The following RHEX variants were observed in gnomAD, a reference collection of about 807,000 sequenced individuals.
The protein encoded by RHEX is regulator of hemoglobinization and erythroid cell expansion, also known as regulator of hemoglobinization and erythroid cell expansion protein.
In RHEX, 18 loss-of-function variants were observed where a neutral mutation model predicts 20.1. The ratio of observed to expected loss-of-function variants is 0.90; its 90% CI spans 0.62 to 1.33. The LOEUF (loss-of-function observed/expected upper bound fraction) is 1.33. Ranked by LOEUF, RHEX falls within the 40% of genes most tolerant of loss-of-function variation. The probability of loss-of-function intolerance (pLI) is 0.00; values close to 1 mark genes in which losing one functional copy is unlikely to be tolerated. For synonymous variants in RHEX, 87 were observed against 77.1 expected (o/e 1.13, Z -0.67); for missense variants, 192 against 214.3 (o/e 0.90, Z 0.65).
chr1:206,055,641 C>T (rs1413535896), intron 1 of RHEX, among the ~76,000 whole-genome samples: 1 of 152,242 alleles, frequency 6.6e-6, no homozygotes, highest in African/African-American at 2.4e-5. Flanking sequence ...TGGTAGATGA[C>T]AGTCAATAAA....
intron 1 of RHEX, among the ~76,000 whole-genome samples, chr1:206,089,983 T>C (rs1662914260): frequency 6.6e-6 from 1 of 152,076 alleles, no homozygotes; most frequent in Admixed American, 6.5e-5. Flanking sequence ...TTTTGCTATC[T>C]AGGGTCTGGA....
chr1:206,063,426 C>T lies in RHEX; in HGVS notation c.-97+10161C>T, dbSNP rs1340717781. On this transcript the variant is annotated intron_variant, in intron 1 of 5. Coordinates refer to ENST00000331555, the MANE Select transcript of RHEX (RefSeq NM_001007544.4). Reference sequence around the variant, plus strand: ...CTCCCTCTCCCTCTCTTTCCACCGTCTCCCTCTCACGCCAAGCCAAAGCTG... The same window carrying T: ...CTCCCTCTCCCTCTCTTTCCACCGTTTCCCTCTCACGCCAAGCCAAAGCTG... Among the ~76,000 whole-genome samples, 3 of 152,348 alleles carry T rather than the reference C, an allele frequency of 2.0e-5. No homozygotes were observed. The East Asian group carries it at 5.8e-4, about 29-fold the overall frequency.
At chr1:206,101,019 C>A in intron 4 of RHEX, 117 bp from the exon 5 acceptor site, 2 of 729,610 alleles carry the variant, frequency 2.7e-6, no homozygotes, top group Non-Finnish European at 2.2e-6. Context: ...CTTTTTGTTG[C>A]TGGCTCTGCC....
Position 206,074,993 on chromosome 1 carries a change from C to T in RHEX, c.-97+21728C>T, listed in dbSNP as rs565996165. ...CACAATGCCCCACAGGGGGCCAAAA[C>T]TGTGTGCATTACTCACTGTGTTTTT... On this transcript the variant is annotated intron_variant, in intron 1 of 5. Transcript: ENST00000331555. Among the ~76,000 whole-genome samples the T allele has an allele frequency of 2.6e-5, 4 of 152,374 alleles. No homozygotes were observed. In the South Asian group the frequency reaches 8.3e-4, roughly 32 times the overall value.
chr1:206,082,222 A>G (rs1662751716), intron 1 of RHEX, among the ~76,000 whole-genome samples: 2 of 152,254 alleles, frequency 1.3e-5, no homozygotes, highest in Non-Finnish European at 1.5e-5. Context: ...TTAGAGAATA[A>G]AAATGTTAAT....
At chr1:206,087,282 C>G (rs117282054) in intron 1 of RHEX, among the ~76,000 whole-genome samples, 2,194 of 152,314 alleles carry the variant, frequency 0.014, 58 homozygotes, top group Admixed American at 0.071. Context: ...CTAAAGCTGT[C>G]CCCAAAGCCA....
chr1:206,073,176 C>A (rs1662567650), intron 1 of RHEX, among the ~76,000 whole-genome samples: 1 of 152,120 alleles, frequency 6.6e-6, no homozygotes, highest in African/African-American at 2.4e-5. Flanking sequence ...ATCTCCTTGG[C>A]AGGCTCTACC....
chr1:206,090,276 G>A (rs1287947305), intron 1 of RHEX, among the ~76,000 whole-genome samples: 1 of 143,040 alleles, frequency 7.0e-6, no homozygotes, highest in African/African-American at 2.6e-5. Flanking sequence ...GCACAATCTC[G>A]GCTCACTGCA....
intron 1 of RHEX, among the ~76,000 whole-genome samples, chr1:206,063,702 C>T (rs962355704): frequency 1.4e-4 from 21 of 152,190 alleles, no homozygotes; most frequent in Admixed American, 3.9e-4. Flanking sequence ...TGCTCAGTGG[C>T]GCCCAGGCTG....
chr1:206,063,725 G>A (rs189202256), intron 1 of RHEX, among the ~76,000 whole-genome samples: 51 of 152,338 alleles, frequency 3.3e-4, no homozygotes, highest in South Asian at 2.1e-4. Context: ...GTGCAGTGGC[G>A]TGATCTCGGC....
chr1:206,056,645 T>G (rs574003943), intron 1 of RHEX, among the ~76,000 whole-genome samples: 3 of 152,360 alleles, frequency 2.0e-5, no homozygotes, highest in Non-Finnish European at 4.4e-5. Context: ...TAAAATACAA[T>G]TAAGGACTGG....
At position 206,058,120 on chromosome 1, in the gene RHEX, C is replaced by T. The variant is rs531214333; in HGVS notation, c.-97+4855C>T. On this transcript the variant is annotated intron_variant, in intron 1 of 5. Transcript: ENST00000331555. ...AGATATAACAAAACTGGCACATGCA[C>T]CTGTGCAAGTGTGGCACGGACTCAA... Among the ~76,000 whole-genome samples the T allele has an allele frequency of 1.2e-4, 18 of 152,356 alleles. No homozygotes were observed. The South Asian group carries it at 3.3e-3, about 28-fold the overall frequency.
chr1:206,101,128 C>T lies in RHEX; in HGVS notation c.257-8C>T. 4.3e-6 allele frequency: 7 copies of T among 1,609,900 alleles called. No individual in the cohort carries two copies. Among genetic ancestry groups the T allele is most frequent in the Non-Finnish European group, 5.1e-6 (6 of 1,178,324 alleles). On this transcript the variant is annotated splice_region_variant and splice_polypyrimidine_tract_variant and intron_variant, in intron 4 of 5. Coordinates refer to ENST00000331555, the MANE Select transcript of RHEX (RefSeq NM_001007544.4). ...TTTGGAAGAGGAACCGTTTCTATTT[C>T]TCCCCAGATGACAGCGACACACCCT...
chr1:206,054,364 A>T (rs1662143703), intron 1 of RHEX, among the ~76,000 whole-genome samples: 1 of 152,232 alleles, frequency 6.6e-6, no homozygotes, highest in Non-Finnish European at 1.5e-5. Flanking sequence ...GAGTACTATT[A>T]AAAAAACAGT....
chr1:206,082,138 T>C (rs1306794605), intron 1 of RHEX, among the ~76,000 whole-genome samples: 2 of 152,174 alleles, frequency 1.3e-5, no homozygotes, highest in African/African-American at 4.8e-5. Context: ...AGTTCCACAG[T>C]GAGCTGTGAT....
At position 206,097,823 on chromosome 1, in the gene RHEX, C is replaced by G; in HGVS notation, c.-6C>G. 1 of 1,611,592 alleles carries G rather than the reference C, an allele frequency of 6.2e-7. No homozygotes were observed. The highest frequency in any genetic ancestry group is 8.5e-7 in the Non-Finnish European group (1 of 1,177,642). On this transcript the variant is annotated 5_prime_UTR_variant, in exon 2 of 6. Transcript: ENST00000331555. ...TGAGCCCCAACTTATCAGCAAGGAG[C>G]TCATCATGCTGACAGAGTGAGTGGG...
chr1:206,097,944 G>T (rs567264321), intron 2 of RHEX, 105 bp downstream of exon 2: 5 of 1,185,174 alleles, frequency 4.2e-6, no homozygotes, highest in South Asian at 3.6e-5. Context: ...CAGCCTTATT[G>T]TCCAGAGAGG....
intron 1 of RHEX, among the ~76,000 whole-genome samples, chr1:206,077,366 G>C (rs1662654060): frequency 6.6e-6 from 1 of 152,206 alleles, no homozygotes; most frequent in Non-Finnish European, 1.5e-5. Flanking sequence ...TGGGACTACA[G>C]CTCTTCATTC....
intron 1 of RHEX, among the ~76,000 whole-genome samples, chr1:206,062,964 A>G (rs1397951582): frequency 6.6e-6 from 1 of 152,178 alleles, no homozygotes; most frequent in Non-Finnish European, 1.5e-5. Context: ...AAACACATAA[A>G]CACACAAAAT....
Sources: allele counts gnomAD v4.1 joint callset (sites outside exome capture counted in the v4.1 genomes callset), GRCh38; gene constraint gnomAD v4.1.1; transcripts MANE v1.5; gene names NCBI Gene and HGNC (gene_info 2026-07-23, HGNC 2026-07-21).